The following IFT122 variants were observed in gnomAD, a reference collection of about 807,000 sequenced individuals.
The protein encoded by IFT122 is intraflagellar transport protein 122 homolog.
Under a neutral mutation model 161.6 loss-of-function variants are expected in IFT122, and 118 were observed. The observed-to-expected ratio is 0.73, with a 90% CI of 0.63 to 0.85. IFT122 has a LOEUF of 0.85. Among genes scored for constraint, IFT122 ranks in the 40% least tolerant of loss-of-function variants. The pLI, the probability that IFT122 is intolerant of heterozygous loss-of-function variation, is 0.00. For missense variants in IFT122, 1,381 were observed against 1,579.6 expected, an observed-to-expected ratio of 0.87 and a Z score of 2.13; for synonymous variants, 550 against 602.4, an observed-to-expected ratio of 0.91 and a Z score of 1.27.
chr3:129,477,756 CAGCA>C (rs1291783598), intron 11 of IFT122, among the ~76,000 whole-genome samples: 3 of 152,332 alleles, frequency 2.0e-5, no homozygotes, highest in Admixed American at 2.0e-4. Flanking sequence ...TATTTGTATC[CAGCA>C]AGTGATGGTA....
intron 11 of IFT122, among the ~76,000 whole-genome samples, chr3:129,477,008 C>G (rs937775949): frequency 2.0e-5 from 3 of 149,136 alleles, no homozygotes; most frequent in African/African-American, 7.5e-5. Flanking sequence ...CTCATGAAAG[C>G]AATAAATCCT....
intron 1 of IFT122, among the ~76,000 whole-genome samples, chr3:129,445,252 G>A (rs1577150405): frequency 6.6e-6 from 1 of 152,274 alleles, no homozygotes; most frequent in African/African-American, 2.4e-5. Context: ...ATTGAAACTG[G>A]GAGGCAGAGG....
At chr3:129,462,821 G>C (rs181646804) in intron 5 of IFT122, among the ~76,000 whole-genome samples, 12 of 152,292 alleles carry the variant, frequency 7.9e-5, no homozygotes, top group South Asian at 6.2e-4. Flanking sequence ...TCTGGGACAG[G>C]GGGGAGCAAG....
At chr3:129,500,157 C>T in intron 19 of IFT122, 89 bp downstream of exon 19, 1 of 1,441,144 alleles carries the variant, frequency 6.9e-7, no homozygotes, top group African/African-American at 1.4e-5. Context: ...TAGTGCTTTT[C>T]TAATTATCTA....
At chr3:129,488,459 T>C (rs952490195) in intron 16 of IFT122, 62 bp downstream of exon 16, 36 of 1,609,460 alleles carry the variant, frequency 2.2e-5, no homozygotes, top group Non-Finnish European at 2.8e-5. Context: ...AGAAGGCAGA[T>C]GGGGACCCAG....
chr3:129,495,380 C>A, intron 17 of IFT122, 66 bp from the exon 18 acceptor site: 1 of 1,593,872 alleles, frequency 6.3e-7, no homozygotes, highest in Admixed American at 1.8e-5. Flanking sequence ...CCACATCTAA[C>A]CTTTGTAAAG....
chr3:129,462,515 T>C (rs1222379568), intron 5 of IFT122, among the ~76,000 whole-genome samples: 1 of 152,190 alleles, frequency 6.6e-6, no homozygotes, highest in Non-Finnish European at 1.5e-5. Context: ...GGTGATTGCA[T>C]ACAGAGCCTG....
chr3:129,474,361 T>C (rs2108256447), intron 9 of IFT122, among the ~76,000 whole-genome samples: 1 of 152,356 alleles, frequency 6.6e-6, no homozygotes, highest in East Asian at 1.9e-4. Context: ...ATTAGTTTAA[T>C]AATGTTAATC....
At chr3:129,486,482 C>T (rs917047443) in intron 15 of IFT122, among the ~76,000 whole-genome samples, 1 of 152,214 alleles carries the variant, frequency 6.6e-6, no homozygotes, top group Non-Finnish European at 1.5e-5. Context: ...TTGCAACAGG[C>T]TGTACTTACT....
chr3:129,483,423 G>T lies in IFT122; in HGVS notation c.1654-62G>T, dbSNP rs560293728. On this transcript the variant is annotated intron_variant, in intron 14 of 29. Coordinates refer to ENST00000348417, the MANE Select transcript of IFT122 (RefSeq NM_052989.3). ...CTTTAAGAGGGTATTGGGCTGAAAT[G>T]TGTGAGCGCTGACCAAGCCCAGGGT... 1.1e-5 allele frequency: 16 copies of T among 1,410,232 alleles called. No individual in the cohort carries two copies. In the South Asian group the frequency reaches 1.7e-4, roughly 15 times the overall value. 87.4% of individuals were successfully genotyped at this position (1,410,232 alleles called of 1,614,324 possible).
At chr3:129,469,888 T>A (rs964577165) in intron 9 of IFT122, among the ~76,000 whole-genome samples, 1 of 152,190 alleles carries the variant, frequency 6.6e-6, no homozygotes, top group South Asian at 2.1e-4. Flanking sequence ...CTGCAAGAGC[T>A]CACAGGCTGG....
Position 129,519,177 on chromosome 3 carries a change from G to A in IFT122, c.3462G>A (p.Leu1154=), listed in dbSNP as rs150692598. ...ATGAGGACCCGTTCACAGCTAAGCTGAGCTTTGAGGTGAGGGTGCCTCTCT... is the reference window on the plus strand; with the variant it reads ...ATGAGGACCCGTTCACAGCTAAGCTAAGCTTTGAGGTGAGGGTGCCTCTCT... ...IGDEDPFTAK[L]SFEQGGSEFV... is the part of the protein sequence containing the mutation. The change falls in exon 28 of 30, where the codon CTG becomes CTA. Residue 1154 remains leucine, a synonymous_variant. Transcript: ENST00000348417. The A allele has an allele frequency of 2.2e-4, 351 of 1,613,964 alleles. No individual in the cohort carries two copies. In the African/African-American group the frequency reaches 4.0e-3, roughly 18 times the overall value.
intron 9 of IFT122, among the ~76,000 whole-genome samples, chr3:129,471,945 A>G (rs1250744092): frequency 6.6e-6 from 1 of 152,154 alleles, no homozygotes; most frequent in East Asian, 1.9e-4. Flanking sequence ...TAACAACCCT[A>G]TGAGGTAAAT....
At chr3:129,459,457 T>C (rs943482362) in intron 4 of IFT122, 17 of 323,572 alleles carry the variant, frequency 5.3e-5, no homozygotes, top group Non-Finnish European at 9.6e-5. Context: ...GCCAGGCTAA[T>C]TTTTTGTATT....
At chr3:129,490,956 C>G (rs1216279858) in intron 16 of IFT122, among the ~76,000 whole-genome samples, 2 of 152,164 alleles carry the variant, frequency 1.3e-5, no homozygotes, top group Non-Finnish European at 2.9e-5. Flanking sequence ...ACCATTCATC[C>G]GTGTTCTCCA....
intron 9 of IFT122, among the ~76,000 whole-genome samples, chr3:129,474,045 G>A (rs950502726): frequency 6.6e-6 from 1 of 152,214 alleles, no homozygotes; most frequent in African/African-American, 2.4e-5. Context: ...TCTAGCATCA[G>A]ATAAGTGCTA....
At chr3:129,464,910 A>G (rs991679725) in intron 7 of IFT122, 129 bp downstream of exon 7, 1 of 1,012,478 alleles carries the variant, frequency 9.9e-7, no homozygotes, top group African/African-American at 1.6e-5. Flanking sequence ...AACCTGTCCC[A>G]TTTGTATGGA....
rs531450827 is a variant in IFT122 at position 129,514,777 on chromosome 3, G to A, written c.3153+223G>A. 2.0e-4 allele frequency: 130 copies of A among 638,268 alleles called. 2 individuals carry two copies. The highest frequency in any genetic ancestry group is 5.4e-4 in the African/African-American group (30 of 55,678). The allele number at this position is 638,268 out of a possible 1,614,324, so 39.5% of individuals were successfully genotyped here. ...GCGCCCGCTCACAGCCCCCGGCCCC[G>A]GCCTCAGCCCTCAGCCTGGCCTCCC... On this transcript the variant is annotated intron_variant, in intron 25 of 29. Coordinates refer to ENST00000348417, the MANE Select transcript of IFT122 (RefSeq NM_052989.3).
intron 1 of IFT122, among the ~76,000 whole-genome samples, chr3:129,441,589 C>T (rs554254219): frequency 6.6e-6 from 1 of 152,310 alleles, no homozygotes; most frequent in South Asian, 2.1e-4. Context: ...CCAACGTCAA[C>T]GCTCTCAGCC....
Sources: allele counts gnomAD v4.1 joint callset (sites outside exome capture counted in the v4.1 genomes callset), GRCh38; gene constraint gnomAD v4.1.1; transcripts MANE v1.5; gene names NCBI Gene and HGNC (gene_info 2026-07-23, HGNC 2026-07-21).